ACP7: variants seen among roughly 807,000 people sequenced by gnomAD.
ACP7 encodes acid phosphatase type 7.
ACP7 carries 58 observed loss-of-function variants against 60.6 expected under a neutral mutation model. The observed-to-expected ratio is 0.96, with a 90% CI of 0.77 to 1.19. ACP7 has a LOEUF of 1.19. ACP7 is among the 50% of genes most tolerant of loss of function. ACP7 has a pLI of 0.00. For synonymous variants in ACP7, 237 were observed against 232.6 expected, an observed-to-expected ratio of 1.02 and a Z score of -0.17; for missense variants, 574 against 596.2, an observed-to-expected ratio of 0.96 and a Z score of 0.39.
chr19:39,106,890 C>G, intron 11 of ACP7, 57 bp from the exon 12 acceptor site: 1 of 1,603,038 alleles, frequency 6.2e-7, no homozygotes, highest in African/African-American at 1.3e-5. Context: ...CAGGTCATTT[C>G]TGCTTCCCCG....
rs544041 is a variant in ACP7 at position 39,085,347 on chromosome 19, G to T, written c.78G>T (p.Gly26=). The T allele has an allele frequency of 2.0e-5, 32 of 1,613,254 alleles. No individual in the cohort carries two copies. The Admixed American group carries it at 5.3e-4, about 27-fold the overall frequency. The change falls in exon 2 of 13, where the codon GGG becomes GGT. Residue 26 remains glycine, a synonymous_variant. Transcript: ENST00000331256. ...LFSLGVQGSL[G]APSAAPEQVH... ...CCTTGGGAGTCCAGGGGTCCCTGGG[G>T]GCTCCCAGCGCTGCCCCAGAGCAAG...
chr19:39,101,131 G>T lies in ACP7; in HGVS notation c.916-19G>T, dbSNP rs765041458. ...GCGTCAGTCTGCGTCACCCTCACCC[G>T]CTCATTCACCCTGCCCAGGTCCGCA... On this transcript the variant is annotated intron_variant, in intron 8 of 12. Coordinates refer to ENST00000331256, the MANE Select transcript of ACP7 (RefSeq NM_001004318.3). 3.1e-6 allele frequency: 5 copies of T among 1,613,928 alleles called. No homozygotes were observed.
chr19:39,086,881 T>TA (rs2073148634), intron 2 of ACP7, among the ~76,000 whole-genome samples: 1 of 152,220 alleles, frequency 6.6e-6, no homozygotes, highest in African/African-American at 2.4e-5. Flanking sequence ...TATTGTCATT[T>TA]AAAATTAACA....
At chr19:39,095,628 C>T (rs1161334545) in intron 2 of ACP7, among the ~76,000 whole-genome samples, 3 of 152,222 alleles carry the variant, frequency 2.0e-5, no homozygotes, top group Admixed American at 1.3e-4. Context: ...GTCTGGAGGA[C>T]AGTGGCCCTC....
intron 2 of ACP7, among the ~76,000 whole-genome samples, chr19:39,090,588 C>T (rs2073192895): frequency 6.6e-6 from 1 of 151,870 alleles, no homozygotes; most frequent in South Asian, 2.1e-4. Flanking sequence ...GCTCAAGTGA[C>T]CCTCATCACT....
In ACP7 at chr19:39,098,525, G is replaced by A. The variant is rs936538530; in HGVS notation, c.189G>A (p.Gly63=). Reference sequence around the variant, plus strand: ...CAACCCGCTCTGAAGTGCAATTCGGGTTGCAGCCGTCGGGGCCCCTGCCCC... The same window carrying A: ...CAACCCGCTCTGAAGTGCAATTCGGATTGCAGCCGTCGGGGCCCCTGCCCC... ...WVPTRSEVQF[G]LQPSGPLPLR... is the part of the protein sequence containing the mutation. Residue 63 remains glycine, a synonymous_variant, in exon 3 of 13, where the codon GGG becomes GGA. Transcript: ENST00000331256. 4 of 1,610,984 alleles carry A rather than the reference G, an allele frequency of 2.5e-6. No individual in the cohort carries two copies. Among genetic ancestry groups the A allele is most frequent in the African/African-American group, 2.7e-5 (2 of 74,790 alleles).
rs1163037877 is a variant in ACP7 at position 39,100,978 on chromosome 19, G to A, written c.837G>A (p.Pro279=). ...QKANKNRAAR[P]WIITMGHRPM... Reference sequence around the variant, plus strand: ...CCAATAAGAACCGGGCAGCCCGGCCGTGGATCATCACTATGGGGCACCGGC... The same window carrying A: ...CCAATAAGAACCGGGCAGCCCGGCCATGGATCATCACTATGGGGCACCGGC... The change falls in exon 8 of 13, where the codon CCG becomes CCA. Residue 279 remains proline (P), a synonymous_variant. Transcript: ENST00000331256. 8.1e-6 allele frequency: 13 copies of A among 1,605,326 alleles called. No individual in the cohort carries two copies. Among genetic ancestry groups the A allele is most frequent in the Middle Eastern group, 1.7e-4 (1 of 6,032 alleles).
chr19:39,097,673 C>T (rs1600261211), intron 2 of ACP7, among the ~76,000 whole-genome samples: 1 of 151,844 alleles, frequency 6.6e-6, no homozygotes, highest in African/African-American at 2.4e-5. Context: ...TGAGATAGGG[C>T]AGGGTCTACA....
Position 39,110,260 on chromosome 19 carries a change from C to T in ACP7, c.*142C>T. 1 of 752,440 alleles carries T rather than the reference C, an allele frequency of 1.3e-6. No individual in the cohort carries two copies. The highest frequency in any genetic ancestry group is 2.2e-6 in the Non-Finnish European group (1 of 455,308). The allele number at this position is 752,440 out of a possible 1,614,324, so 46.6% of individuals were successfully genotyped here. A position where few individuals can be genotyped will look rare whatever the true frequency, so the allele number is the denominator to read the frequency against. ...GGCCCCATGTAGGGTACATGCAGCC[C>T]TATGGAGCTGGGGCAGCTGTTCCCT... On this transcript the variant is annotated 3_prime_UTR_variant, in exon 13 of 13. Coordinates refer to ENST00000331256, the MANE Select transcript of ACP7 (RefSeq NM_001004318.3).
intron 10 of ACP7, 40 bp from the exon 11 acceptor site, chr19:39,101,426 C>T (rs767359921): frequency 8.1e-6 from 13 of 1,613,368 alleles, no homozygotes; most frequent in South Asian, 4.4e-5. Context: ...GGCATGGCCT[C>T]GAGTGACTGC....
Position 39,099,056 on chromosome 19 carries a change from G to T in ACP7, c.419G>T (p.Gly140Val). 1 of 1,612,052 alleles carries T rather than the reference G, an allele frequency of 6.2e-7. No individual in the cohort carries two copies. The highest frequency in any genetic ancestry group is 8.5e-7 in the Non-Finnish European group (1 of 1,179,402). Reference sequence around the variant, plus strand: ...TGGAGTCCCCGTCTGGCTGTGTTTGGAGACCTGGGGGCTGACAACCCGAAG... The same window carrying T: ...TGGAGTCCCCGTCTGGCTGTGTTTGTAGACCTGGGGGCTGACAACCCGAAG... Reference protein sequence around the residue: ...AHWSPRLAVFGDLGADNPKAV... With the variant: ...AHWSPRLAVFVDLGADNPKAV... The change falls in exon 4 of 13, where the codon GGA becomes GTA. Residue 140 changes from glycine (G) to valine (V), a missense_variant. By Grantham distance (109) the Gly-to-Val change is moderately radical (BLOSUM62 -3). Transcript: ENST00000331256.
At chr19:39,089,642 C>G (rs2144967790) in intron 2 of ACP7, among the ~76,000 whole-genome samples, 1 of 152,316 alleles carries the variant, frequency 6.6e-6, no homozygotes, top group Middle Eastern at 3.4e-3. Context: ...GTTGTGCCTC[C>G]CTAGTCTCCT....
chr19:39,094,279 T>C (rs8101599), intron 2 of ACP7, among the ~76,000 whole-genome samples: 4,712 of 151,402 alleles, frequency 0.031, 221 homozygotes, highest in African/African-American at 0.11. Context: ...CCCAGGTGGG[T>C]GGATCATGAG....
chr19:39,101,004 C>G lies in ACP7; in HGVS notation c.863C>G (p.Pro288Arg), dbSNP rs2073337142. 6.2e-7 allele frequency: 1 copy of G among 1,613,946 alleles called. No individual in the cohort carries two copies. Among genetic ancestry groups the G allele is most frequent in the East Asian group, 2.2e-5 (1 of 44,872 alleles). Residue 288 changes from proline to arginine, a missense_variant, in exon 8 of 13, where the codon CCC becomes CGC. Coordinates refer to ENST00000331256, the MANE Select transcript of ACP7 (RefSeq NM_001004318.3). ...TGGATCATCACTATGGGGCACCGGC[C>G]CATGTACTGCTCCAACGCAGATCTG... ...RPWIITMGHR[P>R]MYCSNADLDD...
intron 11 of ACP7, among the ~76,000 whole-genome samples, chr19:39,103,441 G>GTGTGTTT (rs1230916229): frequency 1.7e-4 from 11 of 64,692 alleles, no homozygotes; most frequent in Non-Finnish European, 2.7e-4. Flanking sequence ...ATCATCATGT[G>GTGTGTTT]TTTTTTTTTT....
intron 2 of ACP7, among the ~76,000 whole-genome samples, chr19:39,095,361 C>T (rs1485928196): frequency 6.6e-6 from 1 of 152,162 alleles, no homozygotes; most frequent in Non-Finnish European, 1.5e-5. Context: ...AAAACAAAGG[C>T]ATTACAGGGC....
intron 2 of ACP7, among the ~76,000 whole-genome samples, chr19:39,086,640 A>AGGGG (rs2073144783): frequency 1.4e-5 from 1 of 72,286 alleles, no homozygotes; most frequent in Non-Finnish European, 3.1e-5. Flanking sequence ...AAAAAAAAAA[A>AGGGG]AGGGGGGGGG....
intron 4 of ACP7, among the ~76,000 whole-genome samples, 167 bp downstream of exon 4, chr19:39,099,309 G>A (rs952842449): frequency 6.6e-6 from 1 of 152,162 alleles, no homozygotes. Flanking sequence ...GACTGGCTAC[G>A]GAGACGGTGT....
At chr19:39,087,648 T>TG (rs1568473774) in intron 2 of ACP7, among the ~76,000 whole-genome samples, 2 of 150,684 alleles carry the variant, frequency 1.3e-5, no homozygotes, top group East Asian at 2.0e-4. Flanking sequence ...TTTTTTTTTT[T>TG]TTTGAGATGG....
Sources: gnomAD v4.1 joint callset for allele counts (sites outside exome capture counted in the v4.1 genomes callset) on GRCh38, gnomAD v4.1.1 for gene constraint, MANE v1.5 for transcripts, NCBI Gene and HGNC (gene_info 2026-07-23, HGNC 2026-07-21) for gene names.